The following OLA1 variants were observed in gnomAD, a reference collection of about 807,000 sequenced individuals.
OLA1 encodes the protein obg-like ATPase 1.
In OLA1, 14 loss-of-function variants were observed where a neutral mutation model predicts 48.4. That is an observed-to-expected ratio of 0.29 (90% CI 0.19 to 0.45). The LOEUF (loss-of-function observed/expected upper bound fraction) is 0.45. Ranked by LOEUF, OLA1 falls within the 20% of genes least tolerant of loss-of-function variation. The pLI is 1.00. For synonymous variants in OLA1, 127 were observed against 150.4 expected, an observed-to-expected ratio of 0.84 and a Z score of 1.14; for missense variants, 325 against 467.1, an observed-to-expected ratio of 0.70 and a Z score of 2.80.
intron 3 of OLA1, among the ~76,000 whole-genome samples, chr2:174,223,759 T>C (rs1688555695): frequency 2.6e-5 from 2 of 77,888 alleles, no homozygotes; most frequent in East Asian, 3.4e-4. Flanking sequence ...CCACATGTTA[T>C]ATAGACAAAA....
intron 4 of OLA1, among the ~76,000 whole-genome samples, chr2:174,191,329 T>C (rs1202588680): frequency 2.0e-5 from 3 of 152,200 alleles, no homozygotes; most frequent in Non-Finnish European, 4.4e-5. Context: ...ATGTTTACAA[T>C]AACACTTTCT....
At chr2:174,204,562 G>A (rs1441997592) in intron 4 of OLA1, among the ~76,000 whole-genome samples, 1 of 152,048 alleles carries the variant, frequency 6.6e-6, no homozygotes, top group Non-Finnish European at 1.5e-5. Context: ...AATGGATAAA[G>A]TCACTCACTA....
chr2:174,163,988 T>C (rs1687095922), intron 4 of OLA1, among the ~76,000 whole-genome samples: 2 of 151,380 alleles, frequency 1.3e-5, no homozygotes, highest in Admixed American at 1.3e-4. Flanking sequence ...GGGAGGGACC[T>C]GGTGGGAGGT....
chr2:174,176,025 G>A (rs1161540374), intron 4 of OLA1, among the ~76,000 whole-genome samples: 1 of 151,958 alleles, frequency 6.6e-6, no homozygotes, highest in Admixed American at 6.6e-5. Context: ...TTAAGCATAA[G>A]GGTTAGGGGA....
chr2:174,234,838 G>A (rs1040142478), intron 2 of OLA1, among the ~76,000 whole-genome samples: 1 of 152,052 alleles, frequency 6.6e-6, no homozygotes, highest in African/African-American at 2.4e-5. Flanking sequence ...GACTAGATTA[G>A]AATTCTGAAA....
chr2:174,247,792 C>A (rs1338138994), intron 1 of OLA1: 2 of 1,549,920 alleles, frequency 1.3e-6, no homozygotes, highest in Admixed American at 2.0e-5. Context: ...GTAAATTAAT[C>A]GACGGAACCT....
At chr2:174,215,374 A>C (rs1688342145) in intron 4 of OLA1, among the ~76,000 whole-genome samples, 1 of 152,216 alleles carries the variant, frequency 6.6e-6, no homozygotes, top group Non-Finnish European at 1.5e-5. Context: ...CAAATTTACT[A>C]ATAAACTCGT....
At chr2:174,226,907 T>C (rs1459906055) in intron 3 of OLA1, among the ~76,000 whole-genome samples, 2 of 152,008 alleles carry the variant, frequency 1.3e-5, no homozygotes, top group East Asian at 1.9e-4. Flanking sequence ...CTAGGCAACA[T>C]GGCAAGACCT....
chr2:174,136,224 C>T (rs1686306779), intron 5 of OLA1, among the ~76,000 whole-genome samples: 3 of 152,110 alleles, frequency 2.0e-5, no homozygotes, highest in African/African-American at 7.2e-5. Flanking sequence ...CTTCCTTTCA[C>T]AAAAAAATTT....
At chr2:174,247,011 C>A (rs558362028) in intron 1 of OLA1, 196 bp from the exon 2 acceptor site, 8 of 368,216 alleles carry the variant, frequency 2.2e-5, no homozygotes, top group African/African-American at 1.0e-4. Context: ...TAAACATATC[C>A]GTTGTCAAAA....
chr2:174,087,114 C>A (rs1028807198), intron 7 of OLA1, among the ~76,000 whole-genome samples: 6 of 150,216 alleles, frequency 4.0e-5, no homozygotes, highest in Non-Finnish European at 5.9e-5. Context: ...GCAACCTCTG[C>A]CTCCCAGGTT....
chr2:174,125,113 A>T (rs988436291), intron 5 of OLA1, among the ~76,000 whole-genome samples: 49 of 152,340 alleles, frequency 3.2e-4, no homozygotes, highest in Admixed American at 1.0e-3. Context: ...CATTATGATT[A>T]AAAAAGCCCT....
chr2:174,142,307 G>A (rs945356667), intron 4 of OLA1, among the ~76,000 whole-genome samples: 3 of 152,088 alleles, frequency 2.0e-5, no homozygotes, highest in African/African-American at 7.2e-5. Flanking sequence ...AAAAGATACT[G>A]AATTCCAGGC....
chr2:174,217,895 T>A (rs1688403456), intron 4 of OLA1: 1 of 152,206 alleles, frequency 6.6e-6, no homozygotes, highest in South Asian at 2.1e-4. Flanking sequence ...TTAGTCCACA[T>A]TTGCTGCAAA....
intron 4 of OLA1, among the ~76,000 whole-genome samples, chr2:174,191,499 G>A (rs551672801): frequency 1.3e-5 from 2 of 151,686 alleles, no homozygotes; most frequent in South Asian, 4.2e-4. Flanking sequence ...CTGTCGCTCA[G>A]GCTGGAGTGC....
rs1559016453 is a variant in OLA1 at position 174,229,300 on chromosome 2, T to A, written c.245+8A>T. 1.9e-6 allele frequency: 3 copies of A among 1,611,148 alleles called. No individual in the cohort carries two copies. The Admixed American group carries it at 5.0e-5, about 27-fold the overall frequency. On this transcript the variant is annotated splice_region_variant and intron_variant, in intron 3 of 10. Coordinates refer to ENST00000284719, the MANE Select transcript of OLA1 (RefSeq NM_013341.5). ...ATCACCAAATAAATAGCATAAAATA[T>A]CTCTTACCTTGCTGGTTTGTGGTAT...
At chr2:174,164,260 A>AC (rs975641160) in intron 4 of OLA1, among the ~76,000 whole-genome samples, 1 of 124,886 alleles carries the variant, frequency 8.0e-6, no homozygotes, top group Non-Finnish European at 1.6e-5. Flanking sequence ...AGACTAATAC[A>AC]CACAGCATTT....
At chr2:174,232,633 G>C (rs754566905) in intron 2 of OLA1, among the ~76,000 whole-genome samples, 1 of 152,096 alleles carries the variant, frequency 6.6e-6, no homozygotes, top group Non-Finnish European at 1.5e-5. Flanking sequence ...CTAATCACTA[G>C]AGAAATGCAA....
chr2:174,157,796 T>A (rs933142609), intron 4 of OLA1, among the ~76,000 whole-genome samples: 5 of 152,138 alleles, frequency 3.3e-5, no homozygotes, highest in Admixed American at 6.5e-5. Context: ...ATGGTCTGAT[T>A]AAATCCACAT....
Sources: allele counts gnomAD v4.1 joint callset (sites outside exome capture counted in the v4.1 genomes callset), GRCh38; gene constraint gnomAD v4.1.1; transcripts MANE v1.5; gene names NCBI Gene and HGNC (gene_info 2026-07-23, HGNC 2026-07-21).